Variants in ADGRL2 observed in about 807,000 individuals in gnomAD.
ADGRL2 encodes the protein adhesion G protein-coupled receptor L2, also known as calcium-independent alpha-latrotoxin receptor 2.
A neutral mutation model predicts 157.4 loss-of-function variants in ADGRL2; 44 were observed. The ratio of observed to expected loss-of-function variants is 0.28; its 90% CI spans 0.22 to 0.36. The LOEUF (loss-of-function observed/expected upper bound fraction) is 0.36. Ranked by LOEUF, ADGRL2 falls within the 10% of genes least tolerant of loss-of-function variation. The pLI is 1.00. For synonymous variants in ADGRL2, 585 were observed against 624.7 expected (o/e 0.94, Z 0.95); for missense variants, 1,510 against 1,768.9 (o/e 0.85, Z 2.63).
At chr1:81,832,984 A>AT (rs2150126102) in intron 1 of ADGRL2, among the ~76,000 whole-genome samples, 1 of 152,146 alleles carries the variant, frequency 6.6e-6, no homozygotes, top group African/African-American at 2.4e-5. Flanking sequence ...ACTATAATTT[A>AT]TTTTTTCATT....
At chr1:81,318,437 C>T (rs1399713252) in intron 1 of ADGRL2, among the ~76,000 whole-genome samples, 1 of 152,110 alleles carries the variant, frequency 6.6e-6, no homozygotes, top group Non-Finnish European at 1.5e-5. Flanking sequence ...ATTTAATTCC[C>T]TAAGCCTCAT....
chr1:81,914,510 GC>G (rs994844913), intron 3 of ADGRL2, among the ~76,000 whole-genome samples: 18 of 152,114 alleles, frequency 1.2e-4, no homozygotes, highest in African/African-American at 4.3e-4. Context: ...ATCTAAGCCT[GC>G]CATGTCTCAG....
At chr1:81,893,188 A>G (rs532514625) in intron 2 of ADGRL2, among the ~76,000 whole-genome samples, 15 of 152,280 alleles carry the variant, frequency 9.9e-5, no homozygotes, top group South Asian at 2.1e-4. Context: ...GTCCTTAGTC[A>G]TGATGCTGCA....
chr1:81,321,515 GTTA>G (rs1425814250), intron 1 of ADGRL2, among the ~76,000 whole-genome samples: 1 of 152,072 alleles, frequency 6.6e-6, no homozygotes, highest in African/African-American at 2.4e-5. Context: ...CCATTGTATG[GTTA>G]TTAATTGGCT....
At chr1:81,324,340 C>CA (rs35428384) in intron 1 of ADGRL2, among the ~76,000 whole-genome samples, 47 of 147,510 alleles carry the variant, frequency 3.2e-4, no homozygotes, top group East Asian at 1.0e-3. Context: ...CCTGTCTCTA[C>CA]AAAAAAAAAA....
intron 2 of ADGRL2, among the ~76,000 whole-genome samples, chr1:81,571,995 A>G (rs1298711102): frequency 6.6e-6 from 1 of 152,226 alleles, no homozygotes; most frequent in African/African-American, 2.4e-5. Flanking sequence ...CAAAAAGTAA[A>G]TAGCAGGTAA....
chr1:81,736,032 A>G (rs2084887340), intron 1 of ADGRL2, among the ~76,000 whole-genome samples: 1 of 151,394 alleles, frequency 6.6e-6, no homozygotes, highest in Non-Finnish European at 1.5e-5. Context: ...AATCCCAGCT[A>G]CTAGGGAGGC....
rs1264621310 is a variant in ADGRL2 at position 81,943,122 on chromosome 1, T to C, written c.563T>C (p.Ile188Thr). The C allele has an allele frequency of 1.2e-6, 2 of 1,613,546 alleles. No individual in the cohort carries two copies. Among genetic ancestry groups the C allele is most frequent in the Non-Finnish European group, 8.5e-7 (1 of 1,179,602 alleles). ...PWTPYRTDTL[I>T]EYASLEDFQN... ...ACTCCCTATCGTACCGATACTTTAA[T>C]AGAATATGCTTCTTTAGAAGATTTC... Residue 188 changes from isoleucine (I) to threonine (T), a missense_variant, in exon 6 of 24, where the codon ATA becomes ACA. Around this residue, in one of 4 missense-constraint regions of ADGRL2, gnomAD observed 361 missense variants for 498.4 expected, o/e 0.72. Coordinates refer to ENST00000686636, the MANE Select transcript of ADGRL2 (RefSeq NM_001366006.2). The surrounding 1 kb of genome is among the most constrained non-coding windows in gnomAD (Gnocchi z 5.6).
chr1:81,480,589 C>A (rs2078364623), intron 2 of ADGRL2, among the ~76,000 whole-genome samples: 1 of 151,984 alleles, frequency 6.6e-6, no homozygotes, highest in African/African-American at 2.4e-5. Flanking sequence ...TATAGCTGAC[C>A]ATATTAGGGA....
At chr1:81,707,500 A>G (rs2083776341) in intron 1 of ADGRL2, among the ~76,000 whole-genome samples, 1 of 152,232 alleles carries the variant, frequency 6.6e-6, no homozygotes, top group African/African-American at 2.4e-5. Context: ...TAAAAGCTAT[A>G]GAATTCTCAC....
At chr1:81,502,302 T>C (rs1324376) in intron 2 of ADGRL2, 466,942 of 1,613,204 alleles carry the variant, frequency 0.29, 77,212 homozygotes, top group African/African-American at 0.68. Flanking sequence ...GCAGGACAGC[T>C]GAACTGGAAT....
intron 1 of ADGRL2, among the ~76,000 whole-genome samples, chr1:81,418,177 A>C (rs2077064199): frequency 6.6e-6 from 1 of 151,756 alleles, no homozygotes; most frequent in Non-Finnish European, 1.5e-5. Context: ...GAATATCTGC[A>C]CACTCAAAAC....
intron 3 of ADGRL2, among the ~76,000 whole-genome samples, chr1:81,912,153 C>A (rs977720822): frequency 4.0e-5 from 6 of 151,826 alleles, no homozygotes; most frequent in African/African-American, 1.5e-4. Context: ...CTCACTGGAG[C>A]CTCTGCCTCC....
chr1:81,813,865 C>G (rs1195871395), intron 1 of ADGRL2, among the ~76,000 whole-genome samples: 1 of 151,454 alleles, frequency 6.6e-6, no homozygotes. Context: ...AGATTTCATT[C>G]CAGGAAAATG....
At chr1:81,409,208 C>A (rs1163310070) in intron 1 of ADGRL2, among the ~76,000 whole-genome samples, 1 of 152,082 alleles carries the variant, frequency 6.6e-6, no homozygotes, top group African/African-American at 2.4e-5. Context: ...TTTTCCTGCT[C>A]ACTGGTGCAT....
chr1:81,407,564 A>G (rs775757291), intron 1 of ADGRL2, among the ~76,000 whole-genome samples: 2 of 152,256 alleles, frequency 1.3e-5, no homozygotes, highest in Non-Finnish European at 2.9e-5. Context: ...CTCTTAAACA[A>G]TGATTCTCTT....
At chr1:81,917,826 C>T (rs527560296) in intron 3 of ADGRL2, among the ~76,000 whole-genome samples, 99 of 142,142 alleles carry the variant, frequency 7.0e-4, no homozygotes, top group Middle Eastern at 8.3e-3. Context: ...GGAAATCTTA[C>T]TCTGTCTCTA....
chr1:81,431,318 C>T (rs1196552373), intron 1 of ADGRL2, among the ~76,000 whole-genome samples: 5 of 151,328 alleles, frequency 3.3e-5, no homozygotes, highest in Non-Finnish European at 5.9e-5. Flanking sequence ...CAAAGAAACC[C>T]CACTAAGCCT....
At chr1:81,599,978 G>A (rs983287286) in intron 3 of ADGRL2, among the ~76,000 whole-genome samples, 8 of 152,022 alleles carry the variant, frequency 5.3e-5, no homozygotes, top group Admixed American at 2.0e-4. Flanking sequence ...TATTATTTTC[G>A]TTCCTAAGAA....
Sources: allele counts gnomAD v4.1 joint callset (sites outside exome capture counted in the v4.1 genomes callset), GRCh38; gene constraint gnomAD v4.1.1; regional missense constraint gnomAD v4.1.1; non-coding constraint Gnocchi (gnomAD v3.1); transcripts MANE v1.5; gene names NCBI Gene and HGNC (gene_info 2026-07-23, HGNC 2026-07-21).